KCNB2: variants seen among roughly 807,000 people sequenced by gnomAD.
KCNB2 encodes delayed rectifier potassium channel protein.
A neutral mutation model predicts 61.5 loss-of-function variants in KCNB2; 15 were observed. The observed-to-expected ratio is 0.24, with a 90% CI of 0.16 to 0.38. The LOEUF (loss-of-function observed/expected upper bound fraction) is 0.38. Among genes scored for constraint, KCNB2 ranks in the 10% least tolerant of loss-of-function variants. The pLI, the probability that KCNB2 is intolerant of heterozygous loss-of-function variation, is 1.00. For synonymous variants in KCNB2, 457 were observed against 446.0 expected (o/e 1.02, Z -0.31); for missense variants, 828 against 1,125.2 (o/e 0.74, Z 3.78).
rs561331333 is a variant in KCNB2 at position 72,694,173 on chromosome 8, C to G, written c.579+125860C>G. ...AGGCCTAATTTAATTTTTGTTTATT[C>G]TTCAAAGGTTATTTCTTAAAATATC... On this transcript the variant is annotated intron_variant, in intron 2 of 2. Transcript: ENST00000523207. Among the ~76,000 whole-genome samples the G allele has an allele frequency of 4.6e-5, 7 of 152,272 alleles. No homozygotes were observed. In the South Asian group the frequency reaches 1.5e-3, roughly 32 times the overall value.
chr8:72,635,195 A>G (rs748383884), intron 2 of KCNB2, among the ~76,000 whole-genome samples: 2 of 152,160 alleles, frequency 1.3e-5, no homozygotes, highest in Non-Finnish European at 1.5e-5. Flanking sequence ...GTCTGCTGGC[A>G]AGGCTGGATC....
intron 2 of KCNB2, among the ~76,000 whole-genome samples, chr8:72,589,477 G>T (rs1419853470): frequency 6.6e-6 from 1 of 152,174 alleles, no homozygotes; most frequent in Admixed American, 6.5e-5. Context: ...TAAGGAAGCA[G>T]TGTGTGTGTA....
chr8:72,667,047 A>ATG (rs1806487215), intron 2 of KCNB2, among the ~76,000 whole-genome samples: 1 of 151,790 alleles, frequency 6.6e-6, no homozygotes, highest in Non-Finnish European at 1.5e-5. Flanking sequence ...GAGAGCAGAG[A>ATG]GAGATAGAGA....
intron 2 of KCNB2, among the ~76,000 whole-genome samples, chr8:72,625,794 C>T (rs183482337): frequency 6.6e-6 from 1 of 152,236 alleles, no homozygotes; most frequent in Admixed American, 6.5e-5. Context: ...TCAGCATTGA[C>T]TTACCAGGTG....
intron 2 of KCNB2, among the ~76,000 whole-genome samples, chr8:72,852,502 T>C (rs1810133725): frequency 6.6e-6 from 1 of 152,196 alleles, no homozygotes; most frequent in Non-Finnish European, 1.5e-5. Context: ...GCAGGGCCCG[T>C]AGTTCTATTA....
At chr8:72,768,562 C>T (rs1337940363) in intron 2 of KCNB2, among the ~76,000 whole-genome samples, 1 of 151,950 alleles carries the variant, frequency 6.6e-6, no homozygotes, top group Non-Finnish European at 1.5e-5. Flanking sequence ...TAGTCCCAGT[C>T]CAATTTATCC....
intron 2 of KCNB2, among the ~76,000 whole-genome samples, chr8:72,641,059 A>G (rs906979062): frequency 3.9e-5 from 6 of 152,104 alleles, no homozygotes; most frequent in African/African-American, 1.4e-4. Flanking sequence ...AATTTTGAAA[A>G]TGGAAGCAAA....
At chr8:72,691,086 A>G (rs1407624558) in intron 2 of KCNB2, among the ~76,000 whole-genome samples, 2 of 152,210 alleles carry the variant, frequency 1.3e-5, no homozygotes, top group African/African-American at 2.4e-5. Context: ...GCTAAGAGGC[A>G]TTTAATCTGT....
chr8:72,589,847 A>T (rs1436430887), intron 2 of KCNB2, among the ~76,000 whole-genome samples: 2 of 152,190 alleles, frequency 1.3e-5, no homozygotes, highest in Admixed American at 6.5e-5. Context: ...TTTCATGGTG[A>T]TTATACAACT....
chr8:72,822,063 C>G (rs1809522046), intron 2 of KCNB2, among the ~76,000 whole-genome samples: 1 of 152,166 alleles, frequency 6.6e-6, no homozygotes, highest in Admixed American at 6.5e-5. Context: ...CCAGTGTAGG[C>G]TCACTCCAAT....
intron 2 of KCNB2, among the ~76,000 whole-genome samples, chr8:72,729,513 C>T (rs778453174): frequency 2.0e-5 from 3 of 152,164 alleles, no homozygotes; most frequent in African/African-American, 4.8e-5. Context: ...TTCCTCTTAG[C>T]AAATGTTTGA....
At chr8:72,717,518 A>G (rs1202478409) in intron 2 of KCNB2, among the ~76,000 whole-genome samples, 1 of 152,232 alleles carries the variant, frequency 6.6e-6, no homozygotes, top group African/African-American at 2.4e-5. Context: ...GCAAATCTAC[A>G]AGTATTCGAT....
At position 72,567,977 on chromosome 8, in the gene KCNB2, T is replaced by C; in HGVS notation, c.243T>C (p.Asn81=). The change falls in exon 2 of 3, where the codon AAT becomes AAC. Residue 81 remains asparagine (N), a synonymous_variant. Transcript: ENST00000523207. ...TCCTGGAAGTGTGCGACGACTATAA[T>C]CTGAACGAGAACGAGTATTTCTTTG... The part of the protein sequence containing the change: ...ESLLEVCDDY[N]LNENEYFFDR... 1 of 1,614,064 alleles carries C rather than the reference T, an allele frequency of 6.2e-7. No individual in the cohort carries two copies. The highest frequency in any genetic ancestry group is 8.5e-7 in the Non-Finnish European group (1 of 1,180,020).
chr8:72,659,229 G>A (rs1157576297), intron 2 of KCNB2, among the ~76,000 whole-genome samples: 1 of 152,108 alleles, frequency 6.6e-6, no homozygotes, highest in Non-Finnish European at 1.5e-5. Flanking sequence ...TTTGAAATAA[G>A]TTGAGGGGTT....
At chr8:72,601,240 C>G (rs1199959445) in intron 2 of KCNB2, among the ~76,000 whole-genome samples, 1 of 152,098 alleles carries the variant, frequency 6.6e-6, no homozygotes, top group Non-Finnish European at 1.5e-5. Context: ...TAACATCGGC[C>G]TTATATTTGC....
chr8:72,547,162 C>T (rs75839332), intron 1 of KCNB2, among the ~76,000 whole-genome samples: 4,311 of 152,242 alleles, frequency 0.028, 194 homozygotes, highest in African/African-American at 0.095. Context: ...ATTTTAAGCC[C>T]ACCATTAGAA....
intron 2 of KCNB2, among the ~76,000 whole-genome samples, chr8:72,571,379 A>G (rs1383311063): frequency 6.6e-6 from 1 of 152,226 alleles, no homozygotes; most frequent in Non-Finnish European, 1.5e-5. Flanking sequence ...GTTCTGGTGT[A>G]TTAATAACTG....
intron 2 of KCNB2, among the ~76,000 whole-genome samples, chr8:72,859,706 CGTTTTTTTT>C (rs1276971258): frequency 9.5e-5 from 7 of 73,438 alleles, no homozygotes; most frequent in African/African-American, 4.1e-4. Context: ...TACTTCATTT[CGTTTTTTTT>C]TTTTTTTTTT....
intron 1 of KCNB2, among the ~76,000 whole-genome samples, chr8:72,559,114 CTTTAT>C (rs1403147162): frequency 9.2e-5 from 14 of 151,462 alleles, no homozygotes; most frequent in African/African-American, 3.4e-4. Flanking sequence ...CTTTTTCTTT[CTTTAT>C]TTTATTTTGT....
Sources: allele counts gnomAD v4.1 joint callset (sites outside exome capture counted in the v4.1 genomes callset), GRCh38; gene constraint gnomAD v4.1.1; transcripts MANE v1.5; gene names NCBI Gene and HGNC (gene_info 2026-07-23, HGNC 2026-07-21).